Variants in PTPRQ observed in about 807,000 individuals in gnomAD.
PTPRQ encodes phosphatidylinositol phosphatase PTPRQ.
A neutral mutation model predicts 246.0 loss-of-function variants in PTPRQ; 199 were observed. The observed-to-expected ratio is 0.81, with a 90% CI of 0.72 to 0.91. The LOEUF (loss-of-function observed/expected upper bound fraction) is 0.91, where lower values mean the gene tolerates loss of function less well. Ranked by LOEUF, PTPRQ falls within the 40% of genes least tolerant of loss-of-function variation. The pLI is 0.00. For synonymous variants in PTPRQ, 869 were observed against 853.2 expected, an observed-to-expected ratio of 1.02 and a Z score of -0.32; for missense variants, 2,624 against 2,528.4, an observed-to-expected ratio of 1.04 and a Z score of -0.81.
chr12:80,453,315 C>T (rs1892842161), intron 3 of PTPRQ, among the ~76,000 whole-genome samples: 1 of 152,150 alleles, frequency 6.6e-6, no homozygotes, highest in Non-Finnish European at 1.5e-5. Context: ...GTTTGAATTT[C>T]CTCCTGTAGC....
intron 9 of PTPRQ, among the ~76,000 whole-genome samples, chr12:80,485,715 C>T (rs546493953): frequency 1.3e-5 from 2 of 152,242 alleles, no homozygotes; most frequent in East Asian, 3.9e-4. Context: ...GTTGACAACT[C>T]AGGCAAAGGG....
intron 25 of PTPRQ, among the ~76,000 whole-genome samples, chr12:80,570,765 G>A (rs1897123278): frequency 1.3e-5 from 2 of 152,082 alleles, no homozygotes; most frequent in African/African-American, 4.8e-5. Context: ...TTTTGTATAA[G>A]GTGTAAGGAA....
At chr12:80,547,015 A>G (rs1896327545) in intron 24 of PTPRQ, 1 of 194,560 alleles carries the variant, frequency 5.1e-6, no homozygotes, top group Non-Finnish European at 1.0e-5. Context: ...CTGGGGAAAA[A>G]GGGGGAAATG....
At chr12:80,558,111 TTTTCTTTC>T (rs1216060967) in intron 25 of PTPRQ, among the ~76,000 whole-genome samples, 8 of 131,046 alleles carry the variant, frequency 6.1e-5, no homozygotes, top group South Asian at 3.1e-4. Context: ...TTCTTCTTTC[TTTTCTTTC>T]TTTCTTTTCT....
At chr12:80,657,305 G>A (rs1421639394) in intron 38 of PTPRQ, among the ~76,000 whole-genome samples, 1 of 151,750 alleles carries the variant, frequency 6.6e-6, no homozygotes, top group Non-Finnish European at 1.5e-5. Context: ...ACATCAATTT[G>A]TATTTGTACA....
At chr12:80,496,622 C>T (rs1894634125) in intron 14 of PTPRQ, 91 bp downstream of exon 14, 24 of 1,371,614 alleles carry the variant, frequency 1.7e-5, no homozygotes, top group Non-Finnish European at 2.2e-5. Context: ...TTTTACATAA[C>T]CTAAAATCCC....
intron 38 of PTPRQ, among the ~76,000 whole-genome samples, chr12:80,657,495 A>G (rs1900480957): frequency 6.6e-6 from 1 of 151,794 alleles, no homozygotes; most frequent in Non-Finnish European, 1.5e-5. Flanking sequence ...TTCTACAAGT[A>G]CACTCCTATA....
chr12:80,663,753 G>T (rs61951084), intron 39 of PTPRQ, among the ~76,000 whole-genome samples: 1 of 151,626 alleles, frequency 6.6e-6, no homozygotes, highest in South Asian at 2.1e-4. Context: ...ATCACTTTCT[G>T]CCATGTTCAC....
At chr12:80,645,158 C>G (rs73150793) in intron 35 of PTPRQ, among the ~76,000 whole-genome samples, 1 of 151,982 alleles carries the variant, frequency 6.6e-6, no homozygotes, top group Non-Finnish European at 1.5e-5. Context: ...TTCCACCTCT[C>G]TTTTTCTTAA....
intron 25 of PTPRQ, among the ~76,000 whole-genome samples, chr12:80,577,766 T>A (rs535959398): frequency 5.9e-5 from 9 of 152,126 alleles, no homozygotes; most frequent in Non-Finnish European, 1.3e-4. Context: ...TTTTAAAATA[T>A]CTTACTCCTA....
intron 8 of PTPRQ, among the ~76,000 whole-genome samples, chr12:80,480,096 A>G (rs56850795): frequency 0.03 from 4,591 of 152,210 alleles, 265 homozygotes; most frequent in African/African-American, 0.11. Flanking sequence ...CACCACACCT[A>G]TTCCAAAATT....
At chr12:80,457,196 G>T (rs1377698503) in intron 3 of PTPRQ, among the ~76,000 whole-genome samples, 1 of 151,800 alleles carries the variant, frequency 6.6e-6, no homozygotes, top group Non-Finnish European at 1.5e-5. Flanking sequence ...TCTAAATTAA[G>T]GTACCATATA....
intron 25 of PTPRQ, among the ~76,000 whole-genome samples, chr12:80,560,322 G>A (rs1896787146): frequency 1.3e-5 from 2 of 152,172 alleles, no homozygotes; most frequent in African/African-American, 4.8e-5. Context: ...GCTGAGCAAA[G>A]TCCATGTATC....
chr12:80,550,274 C>T (rs1374650705), intron 25 of PTPRQ, among the ~76,000 whole-genome samples: 2 of 152,002 alleles, frequency 1.3e-5, no homozygotes, highest in Non-Finnish European at 1.5e-5. Context: ...ATCATAATAT[C>T]CTTCATCCTA....
At chr12:80,589,989 G>C (rs1389089455) in intron 26 of PTPRQ, among the ~76,000 whole-genome samples, 3 of 152,120 alleles carry the variant, frequency 2.0e-5, no homozygotes, top group African/African-American at 7.2e-5. Flanking sequence ...TTTGAAGTCT[G>C]CTTACATCTT....
chr12:80,669,103 A>T lies in PTPRQ; in HGVS notation c.6289A>T (p.Thr2097Ser), dbSNP rs1900881752. The T allele has an allele frequency of 6.4e-7, 1 of 1,550,528 alleles. No homozygotes were observed. Among genetic ancestry groups the T allele is most frequent in the Non-Finnish European group, 8.7e-7 (1 of 1,146,072 alleles). The change falls in exon 40 of 45, where the codon ACA (threonine) becomes TCA (serine). Residue 2097 changes from threonine (T) to serine (S), a missense_variant. Transcript: ENST00000644991. ...AATGGTGTGGGAAACCAGAGCAAAA[A>T]CATTAGTAATGCTAACACAGTGTTT... ...WRMVWETRAKTLVMLTQCFEK... is the reference protein window; with the variant it reads ...WRMVWETRAKSLVMLTQCFEK...
intron 8 of PTPRQ, among the ~76,000 whole-genome samples, chr12:80,481,507 G>T (rs1306429223): frequency 2.6e-5 from 4 of 152,120 alleles, no homozygotes; most frequent in Non-Finnish European, 5.9e-5. Flanking sequence ...TCAACATAGT[G>T]TTGGAAGTTC....
At chr12:80,621,744 T>G (rs1434043394) in intron 32 of PTPRQ, among the ~76,000 whole-genome samples, 3 of 152,028 alleles carry the variant, frequency 2.0e-5, no homozygotes, top group Admixed American at 1.3e-4. Flanking sequence ...CCTTCACAGA[T>G]ATCAAATCAT....
At chr12:80,670,276 T>C (rs943143938) in intron 41 of PTPRQ, 68 bp from the exon 42 acceptor site, 12 of 1,530,434 alleles carry the variant, frequency 7.8e-6, no homozygotes, top group Middle Eastern at 3.6e-4. Context: ...AAACTGGGAC[T>C]ATTGCCTTCA....
Sources: allele counts gnomAD v4.1 joint callset (sites outside exome capture counted in the v4.1 genomes callset), GRCh38; gene constraint gnomAD v4.1.1; transcripts MANE v1.5; gene names NCBI Gene and HGNC (gene_info 2026-07-23, HGNC 2026-07-21).